DAZAP1: variants seen among roughly 807,000 people sequenced by gnomAD.
DAZAP1 encodes DAZ associated protein 1.
A neutral mutation model predicts 60.1 loss-of-function variants in DAZAP1; 6 were observed. The observed-to-expected ratio is 0.10, with a 90% CI of 0.05 to 0.20. DAZAP1 has a LOEUF of 0.20. Ranked by LOEUF, DAZAP1 falls within the 10% of genes least tolerant of loss-of-function variation. DAZAP1 has a pLI of 1.00. For synonymous variants in DAZAP1, 235 were observed against 215.9 expected (o/e 1.09, Z -0.78); for missense variants, 366 against 560.4 (o/e 0.65, Z 3.50).
Position 1,434,404 on chromosome 19 carries a change from G to A in DAZAP1, c.1049-333G>A, listed in dbSNP as rs2083540291. On this transcript the variant is annotated intron_variant, in intron 11 of 11. Transcript: ENST00000233078. This position sits in a 1 kb window ranked among gnomAD's most constrained non-coding sequence, Gnocchi z 8.0. Reference sequence around the variant, plus strand: ...TGGTCCACCGTGCCTTGGGCCATGTGTGTCTCCAAGCCCCGAGGCTTCTCT... The same window carrying A: ...TGGTCCACCGTGCCTTGGGCCATGTATGTCTCCAAGCCCCGAGGCTTCTCT... The A allele has an allele frequency of 1.0e-5, 3 of 293,266 alleles. No individual in the cohort carries two copies. Among genetic ancestry groups the A allele is most frequent in the Non-Finnish European group, 1.9e-5 (3 of 154,502 alleles). 18.2% of individuals were successfully genotyped at this position (293,266 alleles called of 1,614,324 possible).
chr19:1,432,878 G>A lies in DAZAP1; in HGVS notation c.1048+188G>A. The A allele has an allele frequency of 1.6e-6, 1 of 626,046 alleles. No homozygotes were observed. The highest frequency in any genetic ancestry group is 2.7e-6 in the Non-Finnish European group (1 of 364,802). The allele number at this position is 626,046 out of a possible 1,614,324, so 38.8% of individuals were successfully genotyped here. A position where few individuals can be genotyped will look rare whatever the true frequency, so the allele number is the denominator to read the frequency against. On this transcript the variant is annotated intron_variant, in intron 11 of 11. Transcript: ENST00000233078. The surrounding 1 kb of genome is among the most constrained non-coding windows in gnomAD (Gnocchi z 4.9). ...GGCAACTCGGGTCCAGCAGAAGGGA[G>A]CGTGGGAGTCTTGTCGCAGCAGAGC... is the stretch of plus-strand genomic sequence containing the variant.
intron 5 of DAZAP1, 100 bp downstream of exon 5, chr19:1,421,358 G>A (rs2083150691): frequency 3.0e-6 from 3 of 990,264 alleles, no homozygotes; most frequent in East Asian, 2.5e-5. Flanking sequence ...CAGGTGCACG[G>A]GCCTTTCAGG....
chr19:1,411,057 A>G (rs1399210438), intron 1 of DAZAP1, among the ~76,000 whole-genome samples: 1 of 152,196 alleles, frequency 6.6e-6, no homozygotes, highest in African/African-American at 2.4e-5. Flanking sequence ...AGAGGCCGTG[A>G]CTACTTGTAC....
In DAZAP1 at chr19:1,416,850, A is replaced by C. The variant is rs557621157; in HGVS notation, c.30-650A>C. The C allele has an allele frequency of 6.6e-6, 1 of 151,494 alleles. No homozygotes were observed. The highest frequency in any genetic ancestry group is 1.5e-5 in the Non-Finnish European group (1 of 68,156). The allele number at this position is 151,494 out of a possible 1,614,324, so 9.4% of individuals were successfully genotyped here. The stretch of plus-strand genomic sequence containing the variant: ...GCAGGAAGTGCCAGTGCTGAGACTG[A>C]ATTTCAGGCCCTTCTCATCTGCCAA... On this transcript the variant is annotated intron_variant, in intron 1 of 11. Coordinates refer to ENST00000233078, the MANE Select transcript of DAZAP1 (RefSeq NM_018959.4). The surrounding 1 kb of genome is among the most constrained non-coding windows in gnomAD (Gnocchi z 4.3).
In DAZAP1 at chr19:1,433,908, G is replaced by T; in HGVS notation, c.1049-829G>T. On this transcript the variant is annotated intron_variant, in intron 11 of 11. Coordinates refer to ENST00000233078, the MANE Select transcript of DAZAP1 (RefSeq NM_018959.4). This position sits in a 1 kb window ranked among gnomAD's most constrained non-coding sequence, Gnocchi z 6.1. Reference sequence around the variant, plus strand: ...CGTGGCTTCCTCTGCCGTCCCGGGCGGGGGTGGACGCTGGCGGTGCCCTCT... The same window carrying T: ...CGTGGCTTCCTCTGCCGTCCCGGGCTGGGGTGGACGCTGGCGGTGCCCTCT... The T allele has an allele frequency of 4.6e-6, 6 of 1,310,118 alleles. No homozygotes were observed. Among genetic ancestry groups the T allele is most frequent in the East Asian group, 2.3e-5 (1 of 42,964 alleles). The allele number at this position is 1,310,118 out of a possible 1,614,324, so 81.2% of individuals were successfully genotyped here.
chr19:1,418,076 C>A lies in DAZAP1; in HGVS notation c.71-128C>A. On this transcript the variant is annotated intron_variant, in intron 2 of 11. Coordinates refer to ENST00000233078, the MANE Select transcript of DAZAP1 (RefSeq NM_018959.4). The surrounding 1 kb of genome is among the most constrained non-coding windows in gnomAD (Gnocchi z 5.7). ...CCCAGCGCTTCCCGTACACCCCCCA[C>A]CCCCAGTGCAGCATCGCTCGGTGCG... 1.1e-6 allele frequency: 1 copy of A among 916,592 alleles called. No individual in the cohort carries two copies. Among genetic ancestry groups the A allele is most frequent in the Non-Finnish European group, 1.7e-6 (1 of 597,562 alleles). 56.8% of individuals were successfully genotyped at this position (916,592 alleles called of 1,614,324 possible).
intron 1 of DAZAP1, among the ~76,000 whole-genome samples, chr19:1,410,492 C>G (rs527625688): frequency 6.6e-6 from 1 of 152,206 alleles, no homozygotes; most frequent in East Asian, 1.9e-4. Context: ...TCAGAGCACG[C>G]GCGATCAGGA....
At position 1,407,667 on chromosome 19, in the gene DAZAP1, G is replaced by T; in HGVS notation, c.-107G>T. The T allele has an allele frequency of 1.7e-6, 1 of 584,686 alleles. No individual in the cohort carries two copies. Among genetic ancestry groups the T allele is most frequent in the East Asian group, 1.2e-4 (1 of 8,300 alleles). 36.2% of individuals were successfully genotyped at this position (584,686 alleles called of 1,614,324 possible). The stretch of plus-strand genomic sequence containing the variant: ...CCGCCGCCGCCGCCGCCGCCGTTGC[G>T]CAGATCCGGGCCGCGGCTGTGGGGA... On this transcript the variant is annotated 5_prime_UTR_variant, in exon 1 of 12. Transcript: ENST00000233078.
chr19:1,421,096 G>A, intron 4 of DAZAP1, 52 bp from the exon 5 acceptor site: 1 of 1,555,092 alleles, frequency 6.4e-7, no homozygotes. Context: ...CAGCTCGCGG[G>A]AGGGTTTGGA....
At chr19:1,421,388 T>A in intron 5 of DAZAP1, 130 bp downstream of exon 5, 1 of 756,290 alleles carries the variant, frequency 1.3e-6, no homozygotes, top group East Asian at 2.7e-5. Context: ...CGCTGTCTCG[T>A]ATTTCCCCAA....
At chr19:1,415,097 C>G (rs998850377) in intron 1 of DAZAP1, among the ~76,000 whole-genome samples, 1 of 152,070 alleles carries the variant, frequency 6.6e-6, no homozygotes, top group African/African-American at 2.4e-5. Context: ...GTTATCTAAC[C>G]CCCCCGGCCC....
At chr19:1,430,144 G>C in intron 9 of DAZAP1, 78 bp from the exon 10 acceptor site, 4 of 1,498,158 alleles carry the variant, frequency 2.7e-6, no homozygotes, top group Non-Finnish European at 3.7e-6. Flanking sequence ...TAGGGCCCCT[G>C]GCAGGCCTGG....
At position 1,426,224 on chromosome 19, in the gene DAZAP1, TG is replaced by T; in HGVS notation, c.546+268del. On this transcript the variant is annotated intron_variant, in intron 7 of 11. Coordinates refer to ENST00000233078, the MANE Select transcript of DAZAP1 (RefSeq NM_018959.4). The surrounding 1 kb of genome is among the most constrained non-coding windows in gnomAD (Gnocchi z 5.4). ...ACCTGGGACTGGGCGGGTAGGGGGC[TG>T]GGGCTGGGAGGCTGTGGCGGTGTTG... 2 of 444,430 alleles carry T rather than the reference TG, an allele frequency of 4.5e-6. No individual in the cohort carries two copies. Among genetic ancestry groups the T allele is most frequent in the South Asian group, 2.2e-5 (1 of 45,522 alleles). The allele number at this position is 444,430 out of a possible 1,614,324, so 27.5% of individuals were successfully genotyped here.
At chr19:1,417,385 G>A in intron 1 of DAZAP1, 115 bp from the exon 2 acceptor site, 1 of 1,159,664 alleles carries the variant, frequency 8.6e-7, no homozygotes, top group Non-Finnish European at 1.3e-6. Flanking sequence ...CGTGCACAAG[G>A]ACGTTTGCGT....
rs761291567 is a variant in DAZAP1 at position 1,432,479 on chromosome 19, C to T, written c.872-35C>T. 4.3e-6 allele frequency: 7 copies of T among 1,609,402 alleles called. No homozygotes were observed. Among genetic ancestry groups the T allele is most frequent in the African/African-American group, 1.3e-5 (1 of 74,818 alleles). ...TGCTGGTCTGCCCCCAGCTGCACAA[C>T]GTGTCTTGTGCCTTGCCCTCTTGTA... On this transcript the variant is annotated intron_variant, in intron 10 of 11. Transcript: ENST00000233078. This position sits in a 1 kb window ranked among gnomAD's most constrained non-coding sequence, Gnocchi z 4.9.
Position 1,421,187 on chromosome 19 carries a change from A to G in DAZAP1, c.343A>G (p.Ile115Val), listed in dbSNP as rs955123954. Residue 115 changes from isoleucine to valine, a missense_variant, in exon 5 of 12, where the codon ATA becomes GTA. Physicochemically the swap from Ile to Val is conservative, Grantham distance 29. Around this residue, in one of 3 missense-constraint regions of DAZAP1, gnomAD observed 98 missense variants for 155.3 expected, o/e 0.63. Transcript: ENST00000233078. Reference protein sequence around the residue: ...PRSDNSKSNKIFVGGIPHNCG... With the variant: ...PRSDNSKSNKVFVGGIPHNCG... ...GAGCGATAACAGTAAATCAAATAAGATATTTGTCGGTGGAATTCCTCACAA... is the reference window on the plus strand; with the variant it reads ...GAGCGATAACAGTAAATCAAATAAGGTATTTGTCGGTGGAATTCCTCACAA... The G allele has an allele frequency of 4.3e-6, 7 of 1,614,172 alleles. No individual in the cohort carries two copies. In the East Asian group the frequency reaches 1.1e-4, roughly 26 times the overall value.
At position 1,407,773 on chromosome 19, in the gene DAZAP1, C is replaced by T; in HGVS notation, c.-1C>T. On this transcript the variant is annotated 5_prime_UTR_variant, in exon 1 of 12. Coordinates refer to ENST00000233078, the MANE Select transcript of DAZAP1 (RefSeq NM_018959.4). ...CGCCGAGCGTCGCCGCCGCCGCCGC[C>T]ATGAACAACTCGGGCGCCGACGAGA... is the stretch of plus-strand genomic sequence containing the variant. 2 of 1,088,672 alleles carry T rather than the reference C, an allele frequency of 1.8e-6. No homozygotes were observed. Among genetic ancestry groups the T allele is most frequent in the Admixed American group, 5.3e-5 (1 of 18,924 alleles). 67.4% of individuals were successfully genotyped at this position (1,088,672 alleles called of 1,614,324 possible).
intron 1 of DAZAP1, among the ~76,000 whole-genome samples, chr19:1,414,283 G>T (rs2082911568): frequency 6.6e-6 from 1 of 152,090 alleles, no homozygotes; most frequent in African/African-American, 2.4e-5. Flanking sequence ...CTTGCAAAGT[G>T]CTGGGATTAC....
chr19:1,413,068 C>G (rs1403448652), intron 1 of DAZAP1, among the ~76,000 whole-genome samples: 1 of 152,194 alleles, frequency 6.6e-6, no homozygotes, highest in African/African-American at 2.4e-5. Context: ...GGTGCAGGAG[C>G]CACATTGCTC....
Sources: gnomAD v4.1 joint callset for allele counts (sites outside exome capture counted in the v4.1 genomes callset) on GRCh38, gnomAD v4.1.1 for gene constraint, gnomAD v4.1.1 regional missense constraint, Gnocchi (gnomAD v3.1) non-coding constraint, MANE v1.5 for transcripts, NCBI Gene and HGNC (gene_info 2026-07-23, HGNC 2026-07-21) for gene names.